LGR5: variants seen among roughly 807,000 people sequenced by gnomAD.
LGR5 encodes leucine-rich repeat-containing G protein-coupled receptor 5.
LGR5 carries 54 observed loss-of-function variants against 76.7 expected under a neutral mutation model. The observed-to-expected ratio is 0.70, with a 90% CI of 0.57 to 0.88. The LOEUF is 0.88. Among genes scored for constraint, LGR5 ranks in the 40% least tolerant of loss-of-function variants. The pLI is 0.00. For synonymous variants in LGR5, 406 were observed against 421.9 expected (o/e 0.96, Z 0.46); for missense variants, 1,078 against 1,073.3 (o/e 1.00, Z -0.06).
At chr12:71,582,630 A>G (rs1156679634) in intron 17 of LGR5, 91 bp downstream of exon 17, 1 of 954,874 alleles carries the variant, frequency 1.0e-6, no homozygotes, top group Non-Finnish European at 1.7e-6. Flanking sequence ...TAAAAGCCGA[A>G]TCTGTGCCAA....
chr12:71,467,350 A>G (rs1872908102), intron 1 of LGR5, among the ~76,000 whole-genome samples: 1 of 152,204 alleles, frequency 6.6e-6, no homozygotes, highest in South Asian at 2.1e-4. Flanking sequence ...CTTGTTCAAG[A>G]TTTCACTGAT....
chr12:71,507,535 C>T lies in LGR5; in HGVS notation c.284+2850C>T, dbSNP rs939483178. Among the ~76,000 whole-genome samples, 7 of 152,108 alleles carry T rather than the reference C, an allele frequency of 4.6e-5. No individual in the cohort carries two copies. In the East Asian group the frequency reaches 1.3e-3, roughly 29 times the overall value. The stretch of plus-strand genomic sequence containing the variant: ...GTTATTAATCTACGACTATGATATA[C>T]TATCTATGAGAAAAGTATCATCAGA... On this transcript the variant is annotated intron_variant, in intron 2 of 17. Coordinates refer to ENST00000266674, the MANE Select transcript of LGR5 (RefSeq NM_003667.4).
At chr12:71,565,266 T>C (rs896607630) in intron 8 of LGR5, among the ~76,000 whole-genome samples, 5 of 151,866 alleles carry the variant, frequency 3.3e-5, no homozygotes, top group Non-Finnish European at 7.4e-5. Flanking sequence ...ACCCTACCAC[T>C]AAGCATTATT....
chr12:71,445,972 C>T (rs964589675), intron 1 of LGR5, among the ~76,000 whole-genome samples: 2 of 152,176 alleles, frequency 1.3e-5, no homozygotes, highest in African/African-American at 4.8e-5. Context: ...GATGGAATAA[C>T]ACCCTAGGGT....
At chr12:71,493,129 T>C (rs1248295752) in intron 1 of LGR5, among the ~76,000 whole-genome samples, 1 of 151,408 alleles carries the variant, frequency 6.6e-6, no homozygotes, top group East Asian at 1.9e-4. Context: ...TATTTCTTTT[T>C]ATTTGTATAC....
intron 7 of LGR5, among the ~76,000 whole-genome samples, chr12:71,561,469 T>G (rs1005130642): frequency 1.3e-5 from 2 of 152,228 alleles, no homozygotes; most frequent in African/African-American, 4.8e-5. Context: ...TTCCACTCTC[T>G]CAGGCTTTTA....
chr12:71,493,653 T>C (rs1040343736), intron 1 of LGR5, among the ~76,000 whole-genome samples: 1 of 151,148 alleles, frequency 6.6e-6, no homozygotes, highest in Non-Finnish European at 1.5e-5. Flanking sequence ...AATAATTAGG[T>C]AGAGGAGAAT....
chr12:71,488,150 A>G (rs1196328377), intron 1 of LGR5, among the ~76,000 whole-genome samples: 1 of 152,240 alleles, frequency 6.6e-6, no homozygotes, highest in Non-Finnish European at 1.5e-5. Flanking sequence ...AGTAGACTTT[A>G]GAGGATGTTC....
intron 1 of LGR5, among the ~76,000 whole-genome samples, chr12:71,449,084 G>T (rs1381248641): frequency 6.6e-6 from 1 of 152,214 alleles, no homozygotes. Context: ...GTTCCCAGGG[G>T]ATACGCTTCT....
At chr12:71,540,697 C>T (rs1471670098) in intron 4 of LGR5, among the ~76,000 whole-genome samples, 1 of 152,114 alleles carries the variant, frequency 6.6e-6, no homozygotes, top group Non-Finnish European at 1.5e-5. Flanking sequence ...GGAGGTAAGA[C>T]AAGCCTAGAA....
In LGR5 at chr12:71,440,092, C is replaced by G; in HGVS notation, c.12C>G (p.Ser4=). MDT[S]RLGVLLSLPV... ...CTACTTCGGGCACCATGGACACCTC[C>G]CGGCTCGGTGTGCTCCTGTCCTTGC... is the stretch of plus-strand genomic sequence containing the variant. The change falls in exon 1 of 18, where the codon TCC becomes TCG. Residue 4 remains serine (S), a synonymous_variant. Transcript: ENST00000266674. The surrounding 1 kb of genome is among the most constrained non-coding windows in gnomAD (Gnocchi z 5.3). 2 of 1,603,470 alleles carry G rather than the reference C, an allele frequency of 1.2e-6. No homozygotes were observed. Among genetic ancestry groups the G allele is most frequent in the Non-Finnish European group, 1.7e-6 (2 of 1,179,872 alleles).
chr12:71,538,967 T>C (rs1876740802), intron 4 of LGR5, among the ~76,000 whole-genome samples: 1 of 152,238 alleles, frequency 6.6e-6, no homozygotes, highest in Non-Finnish European at 1.5e-5. Flanking sequence ...GTCTTATTTG[T>C]GTTTAATTGA....
chr12:71,456,059 TTGACTA>T (rs1872460522), intron 1 of LGR5, among the ~76,000 whole-genome samples: 1 of 152,188 alleles, frequency 6.6e-6, no homozygotes, highest in African/African-American at 2.4e-5. Flanking sequence ...TGATGGAACA[TTGACTA>T]TGAGAAATTT....
Position 71,584,086 on chromosome 12 carries a change from C to T in LGR5, c.2076C>T (p.Ala692=), listed in dbSNP as rs1278931262. The T allele has an allele frequency of 1.2e-6, 2 of 1,614,214 alleles. No homozygotes were observed. Among genetic ancestry groups the T allele is most frequent in the East Asian group, 4.5e-5 (2 of 44,878 alleles). Residue 692 remains alanine (A), a synonymous_variant, in exon 18 of 18, where the codon GCC becomes GCT. Coordinates refer to ENST00000266674, the MANE Select transcript of LGR5 (RefSeq NM_003667.4). ...KVIILLCALL[A]LTMAAVPLLG... ...TCATTTTGCTCTGTGCCCTGCTGGCCTTGACCATGGCCGCAGTTCCCCTGC... is the reference window on the plus strand; with the variant it reads ...TCATTTTGCTCTGTGCCCTGCTGGCTTTGACCATGGCCGCAGTTCCCCTGC...
rs139179217 is a variant in LGR5 at position 71,584,435 on chromosome 12, G to A, written c.2425G>A (p.Val809Ile). 1.9e-6 allele frequency: 3 copies of A among 1,613,952 alleles called. No homozygotes were observed. Among genetic ancestry groups the A allele is most frequent in the East Asian group, 4.5e-5 (2 of 44,874 alleles). ...EVIKFILLVV[V>I]PLPACLNPLL... ...AATTAAGTTTATCCTTCTGGTGGTA[G>A]TCCCACTTCCTGCATGTCTCAATCC... Residue 809 changes from valine to isoleucine, a missense_variant, in exon 18 of 18, where the codon GTC becomes ATC. Physicochemically the swap from Val to Ile is conservative, Grantham distance 29 (BLOSUM62 3). Coordinates refer to ENST00000266674, the MANE Select transcript of LGR5 (RefSeq NM_003667.4).
intron 3 of LGR5, among the ~76,000 whole-genome samples, chr12:71,532,384 T>C (rs1050340586): frequency 2.6e-5 from 4 of 152,206 alleles, no homozygotes; most frequent in Non-Finnish European, 5.9e-5. Flanking sequence ...GGGATCTTCC[T>C]AAAACTCACC....
At chr12:71,562,005 G>A (rs942196031) in intron 8 of LGR5, among the ~76,000 whole-genome samples, 153 bp downstream of exon 8, 1 of 152,128 alleles carries the variant, frequency 6.6e-6, no homozygotes, top group Non-Finnish European at 1.5e-5. Context: ...ATTTTGCCAG[G>A]TTCTAGCTGA....
At chr12:71,559,905 TTC>T (rs1877972630) in intron 7 of LGR5, among the ~76,000 whole-genome samples, 1 of 152,232 alleles carries the variant, frequency 6.6e-6, no homozygotes, top group South Asian at 2.1e-4. Context: ...TCATATTCTT[TTC>T]TCTTTTTCTA....
At chr12:71,485,986 G>A (rs554174822) in intron 1 of LGR5, among the ~76,000 whole-genome samples, 2 of 152,020 alleles carry the variant, frequency 1.3e-5, no homozygotes, top group African/African-American at 2.4e-5. Context: ...GGGTGGTCTC[G>A]AACTCCTGAC....
Sources: allele counts gnomAD v4.1 joint callset (sites outside exome capture counted in the v4.1 genomes callset), GRCh38; gene constraint gnomAD v4.1.1; non-coding constraint Gnocchi (gnomAD v3.1); transcripts MANE v1.5; gene names NCBI Gene and HGNC (gene_info 2026-07-23, HGNC 2026-07-21).